Variants in SMC4 observed in about 807,000 individuals in gnomAD.
The protein encoded by SMC4 is structural maintenance of chromosomes 4.
A neutral mutation model predicts 145.6 loss-of-function variants in SMC4; 87 were observed. The ratio of observed to expected loss-of-function variants is 0.60; its 90% CI spans 0.50 to 0.71. The LOEUF (loss-of-function observed/expected upper bound fraction) is 0.71. Among genes scored for constraint, SMC4 ranks in the 30% least tolerant of loss-of-function variants. The pLI is 0.00. For synonymous variants in SMC4, 558 were observed against 500.7 expected (o/e 1.11, Z -1.53); for missense variants, 1,447 against 1,537.1 (o/e 0.94, Z 0.98).
intron 5 of SMC4, among the ~76,000 whole-genome samples, chr3:160,407,508 G>GT: frequency 6.6e-6 from 1 of 152,016 alleles, no homozygotes; most frequent in East Asian, 1.9e-4. Context: ...AGCCAACATC[G>GT]TACCACTGCA....
chr3:160,424,199 C>G (rs888358397), intron 15 of SMC4, among the ~76,000 whole-genome samples: 5 of 151,998 alleles, frequency 3.3e-5, no homozygotes, highest in African/African-American at 1.2e-4. Context: ...AAAAGTATAG[C>G]AAAGACTTGA....
In SMC4 at chr3:160,402,033, T is replaced by C. The variant is rs114006804; in HGVS notation, c.258T>C (p.His86=). 1,325 of 1,595,066 alleles carry C rather than the reference T, an allele frequency of 8.3e-4. 15 individuals are homozygous for C. The African/African-American group carries it at 0.016, about 19-fold the overall frequency. The change falls in exon 3 of 24, where the codon CAT becomes CAC. Residue 86 remains histidine (H), a synonymous_variant. Coordinates refer to ENST00000357388, the MANE Select transcript of SMC4 (RefSeq NM_001002800.3). The part of the protein sequence containing the change: ...EAGAPRLMIT[H]IVNQNFKSYA... Reference sequence around the variant, plus strand: ...GAGCTCCTCGGCTTATGATAACTCATATTGTAAACCAGAACTTCAAATCCT... The same window carrying C: ...GAGCTCCTCGGCTTATGATAACTCACATTGTAAACCAGAACTTCAAATCCT...
At chr3:160,425,557 G>A (rs1443721109) in intron 16 of SMC4, among the ~76,000 whole-genome samples, 1 of 151,848 alleles carries the variant, frequency 6.6e-6, no homozygotes, top group Non-Finnish European at 1.5e-5. Context: ...CAGTATAAAT[G>A]TACTTTGTTT....
intron 4 of SMC4, among the ~76,000 whole-genome samples, 199 bp downstream of exon 4, chr3:160,403,066 T>A (rs1012760156): frequency 2.6e-5 from 4 of 152,192 alleles, no homozygotes; most frequent in African/African-American, 9.6e-5. Context: ...AGAAATGAAG[T>A]ATAAATAGTT....
At chr3:160,408,050 AGAT>A (rs1284016571) in intron 5 of SMC4, among the ~76,000 whole-genome samples, 9 of 152,218 alleles carry the variant, frequency 5.9e-5, no homozygotes, top group Admixed American at 2.0e-4. Context: ...GAAAATAAAA[AGAT>A]GATCAAGATA....
At chr3:160,414,181 TA>T in intron 8 of SMC4, 185 bp from the exon 9 acceptor site, 1 of 612,866 alleles carries the variant, frequency 1.6e-6, no homozygotes, top group Non-Finnish European at 3.1e-6. Flanking sequence ...ATAGCTGTCA[TA>T]ATCAAAAATA....
intron 2 of SMC4, 42 bp downstream of exon 2, chr3:160,401,007 G>C: frequency 7.3e-7 from 1 of 1,365,236 alleles, no homozygotes; most frequent in South Asian, 1.8e-5. Flanking sequence ...CGCGCTGTGG[G>C]ACTGGCAGGC....
intron 15 of SMC4, 149 bp from the exon 16 acceptor site, chr3:160,424,718 G>A: frequency 4.1e-6 from 3 of 724,736 alleles, no homozygotes; most frequent in Admixed American, 5.6e-5. Context: ...GCTGAGGCAG[G>A]AGAATCGCTT....
Position 160,419,558 on chromosome 3 carries a change from T to A in SMC4, c.1857+15T>A, listed in dbSNP as rs747193340. ...ATGGAAGATTGGTAAAGTAGATTTT[T>A]GGGGGGCATGGCTTTACTTTTTTTT... is the stretch of plus-strand genomic sequence containing the variant. On this transcript the variant is annotated intron_variant, in intron 12 of 23. Transcript: ENST00000357388. 1.9e-6 allele frequency: 3 copies of A among 1,571,576 alleles called. No individual in the cohort carries two copies. The highest frequency in any genetic ancestry group is 2.8e-5 in the African/African-American group (2 of 71,510).
Position 160,404,450 on chromosome 3 carries a change from T to A in SMC4, c.633T>A (p.Asn211Lys). Residue 211 changes from asparagine to lysine, a missense_variant, in exon 5 of 24, where the codon AAT becomes AAA. Physicochemically the swap from Asn to Lys is moderately conservative, Grantham distance 94. Transcript: ENST00000357388. Reference protein sequence around the residue: ...GKKKTFKDVGNLLRSHGIDLD... With the variant: ...GKKKTFKDVGKLLRSHGIDLD... ...AAAAGACATTTAAGGATGTTGGAAA[T>A]CTTCTTCGAAGCCATGGAATTGACT... 2 of 1,611,112 alleles carry A rather than the reference T, an allele frequency of 1.2e-6. No individual in the cohort carries two copies. The highest frequency in any genetic ancestry group is 1.7e-6 in the Non-Finnish European group (2 of 1,179,064).
chr3:160,415,994 C>T (rs117583043), intron 9 of SMC4, among the ~76,000 whole-genome samples: 1 of 152,242 alleles, frequency 6.6e-6, no homozygotes, highest in East Asian at 1.9e-4. Flanking sequence ...GGATGACAGA[C>T]CTGAGGCCCT....
At chr3:160,411,775 C>T (rs1257186404) in intron 5 of SMC4, 145 bp from the exon 6 acceptor site, 6 of 557,576 alleles carry the variant, frequency 1.1e-5, no homozygotes, top group Non-Finnish European at 1.8e-5. Context: ...TTTATTTATA[C>T]CTTATTAAAT....
In SMC4 at chr3:160,408,573, A is replaced by G. The variant is rs560362114; in HGVS notation, c.688-3347A>G. ...TTTGTCTGTGATTGTGCCAGTCACTATTTGTGACTTGGATTGAACCTTGAT... is the reference window on the plus strand; with the variant it reads ...TTTGTCTGTGATTGTGCCAGTCACTGTTTGTGACTTGGATTGAACCTTGAT... On this transcript the variant is annotated intron_variant, in intron 5 of 23. Transcript: ENST00000357388. Among the ~76,000 whole-genome samples, 199 of 152,338 alleles carry G rather than the reference A, an allele frequency of 1.3e-3. 1 individual carries two copies. The highest frequency in any genetic ancestry group is 4.6e-3 in the African/African-American group (190 of 41,572).
Position 160,419,392 on chromosome 3 carries a change from A to C in SMC4, c.1706A>C (p.Glu569Ala), listed in dbSNP as rs1471549643. 1.9e-6 allele frequency: 3 copies of C among 1,601,844 alleles called. No homozygotes were observed. The highest frequency in any genetic ancestry group is 1.7e-6 in the Non-Finnish European group (2 of 1,177,156). Reference protein sequence around the residue: ...EKELQKLTQEETNFKSLVHDL... With the variant: ...EKELQKLTQEATNFKSLVHDL... The stretch of plus-strand genomic sequence containing the variant: ...GAACTTCAAAAACTTACACAAGAAG[A>C]AACAAACTTTAAAAGTTTGGTTCAT... Residue 569 changes from glutamate to alanine, a missense_variant, in exon 12 of 24, where the codon GAA (glutamate) becomes GCA (alanine). Physicochemically the swap from Glu to Ala is moderately radical, Grantham distance 107. Coordinates refer to ENST00000357388, the MANE Select transcript of SMC4 (RefSeq NM_001002800.3).
At chr3:160,411,750 A>C (rs914898332) in intron 5 of SMC4, 170 bp from the exon 6 acceptor site, 7 of 503,582 alleles carry the variant, frequency 1.4e-5, no homozygotes, top group African/African-American at 1.3e-4. Context: ...TAGGAATACC[A>C]GTGAAAATAA....
chr3:160,400,126 A>G (rs1427166430), intron 1 of SMC4: 2 of 152,336 alleles, frequency 1.3e-5, no homozygotes, highest in African/African-American at 2.4e-5. Context: ...TTACTGTCCA[A>G]CGGGACTCCG....
rs776190318 is a variant in SMC4, at chr3:160,428,869, AAAAT to A, written c.2729_2732del (p.Asn910SerfsTer3). 3 of 1,606,112 alleles carry A rather than the reference AAAAT, an allele frequency of 1.9e-6. No individual in the cohort carries two copies. Among genetic ancestry groups the A allele is most frequent in the Non-Finnish European group, 2.5e-6 (3 of 1,178,430 alleles). ...CAAGGCCCAACAAGACAAACTTGATAAAATAAATAAGCAATTAGATGAATGTGCT... is the reference window on the plus strand; with the variant it reads ...CAAGGCCCAACAAGACAAACTTGATAAAATAAGCAATTAGATGAATGTGCT... On this transcript the variant is annotated frameshift_variant, in exon 18 of 24. Transcript: ENST00000357388. LOFTEE classifies it high-confidence loss of function.
intron 5 of SMC4, among the ~76,000 whole-genome samples, chr3:160,410,116 T>C (rs1279620299): frequency 6.6e-6 from 1 of 152,124 alleles, no homozygotes; most frequent in Non-Finnish European, 1.5e-5. Flanking sequence ...CTGCAGCCTC[T>C]AGATCAGTAG....
chr3:160,411,886 C>A, intron 5 of SMC4, 34 bp from the exon 6 acceptor site: 16 of 1,583,848 alleles, frequency 1.0e-5, no homozygotes, highest in Non-Finnish European at 1.4e-5. Flanking sequence ...GCTAAACATA[C>A]ACAGTGAGTA....
Sources: gnomAD v4.1 joint callset for allele counts (sites outside exome capture counted in the v4.1 genomes callset) on GRCh38, gnomAD v4.1.1 for gene constraint, MANE v1.5 for transcripts, NCBI Gene and HGNC (gene_info 2026-07-23, HGNC 2026-07-21) for gene names.